The following CEP83 variants were observed in gnomAD, a reference collection of about 807,000 sequenced individuals.
CEP83 encodes the protein centrosomal protein 83, also known as centrosomal protein of 83 kDa.
CEP83 carries 70 observed loss-of-function variants against 101.9 expected under a neutral mutation model. That is an observed-to-expected ratio of 0.69 (90% CI 0.57 to 0.84). The LOEUF is 0.84. CEP83 is among the 40% of genes least tolerant of loss of function. CEP83 has a pLI of 0.00. For missense variants in CEP83, 715 were observed against 787.2 expected, an observed-to-expected ratio of 0.91 and a Z score of 1.10; for synonymous variants, 264 against 267.9, an observed-to-expected ratio of 0.99 and a Z score of 0.14.
intron 2 of CEP83, among the ~76,000 whole-genome samples, chr12:94,418,700 C>T (rs946638504): frequency 6.6e-6 from 1 of 152,118 alleles, no homozygotes; most frequent in Admixed American, 6.5e-5. Context: ...ACAAGGTTTT[C>T]TTTGATGTGG....
At chr12:94,352,234 C>T (rs1481064344) in intron 11 of CEP83, among the ~76,000 whole-genome samples, 1 of 152,076 alleles carries the variant, frequency 6.6e-6, no homozygotes, top group African/African-American at 2.4e-5. Flanking sequence ...GCCTGGCCAA[C>T]ATACTGAAAC....
rs568464808 is a variant in CEP83 at position 94,331,289 on chromosome 12, GAAAAAAAAA to G, written c.1707+402_1707+410del. 3.9e-3 allele frequency among the ~76,000 whole-genome samples: 173 copies of G among 43,804 alleles called. 1 individual carries two copies. Among genetic ancestry groups the G allele is most frequent in the African/African-American group, 0.022 (166 of 7,690 alleles). The allele number at this position is 43,804 out of a possible 152,430, so 28.7% of individuals were successfully genotyped here. A position where few individuals can be genotyped will look rare whatever the true frequency, so the allele number is the denominator to read the frequency against. ...CTGGGTGATGGGAGTCAGACTCTCA[GAAAAAAAAA>G]AAAAAAAAAAAAAAAAAAGATTTAA... On this transcript the variant is annotated intron_variant, in intron 14 of 16. Coordinates refer to ENST00000397809, the MANE Select transcript of CEP83 (RefSeq NM_016122.3).
chr12:94,448,613 C>T (rs562025580), intron 1 of CEP83, among the ~76,000 whole-genome samples: 38 of 151,968 alleles, frequency 2.5e-4, no homozygotes, highest in East Asian at 9.6e-4. Flanking sequence ...ATTAGTCATC[C>T]GAACAAAAAT....
At chr12:94,354,882 C>T (rs538447873) in intron 11 of CEP83, among the ~76,000 whole-genome samples, 5 of 152,114 alleles carry the variant, frequency 3.3e-5, no homozygotes, top group Non-Finnish European at 5.9e-5. Flanking sequence ...TGGTGGCACA[C>T]GCCTTGCTAC....
chr12:94,305,513 G>A, downstream of CEP83: 1 of 453,866 alleles, frequency 2.2e-6, no homozygotes, highest in Non-Finnish European at 3.9e-6. Context: ...TGAAGTGGTT[G>A]TTGCAAACAG....
intron 2 of CEP83, among the ~76,000 whole-genome samples, chr12:94,431,029 T>C (rs565277181): frequency 6.6e-6 from 1 of 152,266 alleles, no homozygotes; most frequent in South Asian, 2.1e-4. Flanking sequence ...AAGGTCATGA[T>C]ATAATAGTAA....
At chr12:94,443,122 C>T (rs1375603536) in intron 1 of CEP83, among the ~76,000 whole-genome samples, 2 of 148,718 alleles carry the variant, frequency 1.3e-5, no homozygotes, top group East Asian at 2.0e-4. Flanking sequence ...CTCACAGCCC[C>T]GTATTAGCCA....
intron 1 of CEP83, among the ~76,000 whole-genome samples, chr12:94,450,461 C>A (rs1419146104): frequency 1.3e-5 from 2 of 152,162 alleles, no homozygotes; most frequent in African/African-American, 4.8e-5. Context: ...ACCGTGTTAG[C>A]CAAGATGGTC....
the CEP83 span, among the ~76,000 whole-genome samples, chr12:94,298,151 A>T: frequency 1.3e-5 from 2 of 152,266 alleles, no homozygotes; most frequent in Non-Finnish European, 2.9e-5. Flanking sequence ...GCTGTCCCAT[A>T]GAGCCCAGCC....
chr12:94,423,326 C>T (rs138712368), intron 2 of CEP83, among the ~76,000 whole-genome samples: 151 of 152,224 alleles, frequency 9.9e-4, no homozygotes, highest in Non-Finnish European at 1.9e-3. Context: ...TCAAGTGATC[C>T]GCCCATCTCA....
At chr12:94,440,013 A>G (rs1054074394) in intron 1 of CEP83, among the ~76,000 whole-genome samples, 4 of 152,206 alleles carry the variant, frequency 2.6e-5, no homozygotes, top group Non-Finnish European at 4.4e-5. Flanking sequence ...CGTCTGCAAC[A>G]TCGGCATAGA....
chr12:94,298,016 A>G, the CEP83 span, among the ~76,000 whole-genome samples: 1 of 148,854 alleles, frequency 6.7e-6, no homozygotes, highest in Non-Finnish European at 1.5e-5. Flanking sequence ...TATAAATGCT[A>G]TGATCTACAC....
chr12:94,335,340 G>A (rs1170320511), intron 12 of CEP83, among the ~76,000 whole-genome samples: 1 of 151,696 alleles, frequency 6.6e-6, no homozygotes, highest in African/African-American at 2.4e-5. Context: ...AAATTATCAT[G>A]GGCCACAGCA....
intron 1 of CEP83, among the ~76,000 whole-genome samples, chr12:94,453,301 A>T (rs1406666793): frequency 6.6e-6 from 1 of 152,046 alleles, no homozygotes; most frequent in East Asian, 1.9e-4. Flanking sequence ...CAACTTCAAG[A>T]ATTGTTTTCC....
chr12:94,316,738 C>CT (rs1323014016), intron 14 of CEP83, among the ~76,000 whole-genome samples: 9 of 152,128 alleles, frequency 5.9e-5, no homozygotes, highest in Admixed American at 5.2e-4. Context: ...ATCCATGTAC[C>CT]TGGCAAAGGA....
chr12:94,354,194 CTTCT>C (rs1236032200), intron 11 of CEP83, among the ~76,000 whole-genome samples: 2 of 151,836 alleles, frequency 1.3e-5, no homozygotes, highest in Non-Finnish European at 2.9e-5. Context: ...CATTCTTCTT[CTTCT>C]TTTTTTTTTT....
chr12:94,374,268 G>A (rs906939847), intron 8 of CEP83, among the ~76,000 whole-genome samples: 1 of 152,046 alleles, frequency 6.6e-6, no homozygotes, highest in East Asian at 1.9e-4. Context: ...TATTATACTT[G>A]GTGGCCCCCC....
rs1463903103 is a variant in CEP83, at chr12:94,411,863, G to C, written c.174-16C>G. The C allele has an allele frequency of 6.3e-7, 1 of 1,598,644 alleles. No individual in the cohort carries two copies. ...ATTCTGCAACCTGGTTTTTTTTAAA[G>C]AGAATTCAATTTTGAGTAAATCCTT... is the stretch of plus-strand genomic sequence containing the variant. On this transcript the variant is annotated splice_polypyrimidine_tract_variant and intron_variant, in intron 3 of 16. Coordinates refer to ENST00000397809, the MANE Select transcript of CEP83 (RefSeq NM_016122.3).
At chr12:94,452,760 A>C (rs1452741313) in intron 1 of CEP83, among the ~76,000 whole-genome samples, 1 of 152,194 alleles carries the variant, frequency 6.6e-6, no homozygotes, top group Non-Finnish European at 1.5e-5. Context: ...AAGGGTATGT[A>C]GTTCAGAAGA....
Sources: allele counts gnomAD v4.1 joint callset (sites outside exome capture counted in the v4.1 genomes callset), GRCh38; gene constraint gnomAD v4.1.1; transcripts MANE v1.5; gene names NCBI Gene and HGNC (gene_info 2026-07-23, HGNC 2026-07-21).